Variants in TRRAP observed in about 807,000 individuals in gnomAD.
TRRAP encodes the protein transformation/transcription domain associated protein.
Under a neutral mutation model 438.8 loss-of-function variants are expected in TRRAP, and 41 were observed. The ratio of observed to expected loss-of-function variants is 0.09; its 90% confidence interval spans 0.07 to 0.12. The LOEUF (loss-of-function observed/expected upper bound fraction) is 0.12, where lower values mean the gene tolerates loss of function less well. TRRAP is among the 10% of genes least tolerant of loss of function. The probability of loss-of-function intolerance (pLI) is 1.00; values close to 1 mark genes in which losing one functional copy is unlikely to be tolerated. For synonymous variants in TRRAP, 1,994 were observed against 1,962.9 expected, an observed-to-expected ratio of 1.02 and a Z score of -0.42; for missense variants, 3,122 against 5,055.1, an observed-to-expected ratio of 0.62 and a Z score of 11.60.
chr7:98,970,340 CCA>C, intron 52 of TRRAP, 49 bp downstream of exon 52: 1 of 1,589,568 alleles, frequency 6.3e-7, no homozygotes, highest in Non-Finnish European at 8.5e-7. Flanking sequence ...AGGTGAGGCC[CCA>C]CACCCCACGG....
intron 67 of TRRAP, among the ~76,000 whole-genome samples, chr7:99,000,120 G>T (rs1244324765): frequency 6.6e-6 from 1 of 152,076 alleles, no homozygotes; most frequent in Admixed American, 6.5e-5. Flanking sequence ...TGATTCTCCC[G>T]CCTCAGCCTC....
At chr7:98,984,900 T>C (rs892865292) in intron 61 of TRRAP, 44 bp from the exon 62 acceptor site, 3 of 1,323,114 alleles carry the variant, frequency 2.3e-6, no homozygotes, top group Non-Finnish European at 1.1e-6. Flanking sequence ...TCATATTGTT[T>C]AGAAATTTCA....
intron 21 of TRRAP, among the ~76,000 whole-genome samples, chr7:98,923,506 C>T (rs1554410964): frequency 6.6e-6 from 1 of 152,244 alleles, no homozygotes; most frequent in Admixed American, 6.5e-5. Context: ...AACCATTCTG[C>T]TTTTGGCACA....
rs375963540 is a variant in TRRAP at position 99,008,415 on chromosome 7, G to A, written c.10792G>A (p.Val3598Met). 1.1e-5 allele frequency: 17 copies of A among 1,614,100 alleles called. No individual in the cohort carries two copies. Among genetic ancestry groups the A allele is most frequent in the East Asian group, 4.5e-5 (2 of 44,896 alleles). The change falls in exon 70 of 73, where the codon GTG becomes ATG. Residue 3598 changes from valine (V) to methionine (M), a missense_variant. Coordinates refer to ENST00000456197, the MANE Select transcript of TRRAP (RefSeq NM_001375524.1). ...VVAVSPQMRL[V>M]EDNPSSLSLV... ...GGCAGTTTCCCCACAGATGCGCCTC[G>A]TGGAGGACAACCCCTCTTCACTTTC...
intron 39 of TRRAP, among the ~76,000 whole-genome samples, chr7:98,951,265 A>G (rs181147958): frequency 9.8e-5 from 15 of 152,344 alleles, no homozygotes; most frequent in African/African-American, 3.4e-4. Flanking sequence ...CAGAAATGGA[A>G]TAGATCTCAA....
chr7:99,006,605 A>G (rs532984608), intron 69 of TRRAP, among the ~76,000 whole-genome samples: 14 of 152,330 alleles, frequency 9.2e-5, no homozygotes, highest in African/African-American at 3.1e-4. Context: ...GACATTAGAC[A>G]GAATCAGCCA....
chr7:98,938,914 G>A lies in TRRAP; in HGVS notation c.4404+1094G>A, dbSNP rs184828833. ...ATACACTCCTACAAAATAGATAAGTGTGCCTTCTTTCATACAGTCTTGGGT... is the reference window on the plus strand; with the variant it reads ...ATACACTCCTACAAAATAGATAAGTATGCCTTCTTTCATACAGTCTTGGGT... On this transcript the variant is annotated intron_variant, in intron 30 of 72. Coordinates refer to ENST00000456197, the MANE Select transcript of TRRAP (RefSeq NM_001375524.1). 2.3e-3 allele frequency among the ~76,000 whole-genome samples: 356 copies of A among 152,336 alleles called. 1 individual carries two copies. Among genetic ancestry groups the A allele is most frequent in the Middle Eastern group, 0.01 (3 of 294 alleles).
chr7:98,985,909 C>T (rs536827970), intron 62 of TRRAP, among the ~76,000 whole-genome samples: 14 of 152,282 alleles, frequency 9.2e-5, no homozygotes, highest in African/African-American at 3.1e-4. Context: ...TCCATCATCC[C>T]CCAAGTAAAC....
chr7:98,912,999 T>G (rs1789345454), intron 18 of TRRAP, among the ~76,000 whole-genome samples: 2 of 152,164 alleles, frequency 1.3e-5, no homozygotes, highest in African/African-American at 4.8e-5. Context: ...GAGGCAGTGC[T>G]GGGTCTTTTG....
At chr7:98,926,621 C>T (rs941939247) in intron 22 of TRRAP, among the ~76,000 whole-genome samples, 20 of 152,106 alleles carry the variant, frequency 1.3e-4, no homozygotes, top group Admixed American at 5.2e-4. Flanking sequence ...CAGAAAGTTC[C>T]TCCATGGAAG....
intron 66 of TRRAP, 136 bp downstream of exon 66, chr7:98,993,873 C>G: frequency 6.1e-6 from 5 of 815,278 alleles, no homozygotes; most frequent in Non-Finnish European, 7.8e-6. Flanking sequence ...AACCATGGAC[C>G]AGGCAAATAG....
chr7:98,992,122 C>G lies in TRRAP; in HGVS notation c.9757-15C>G. ...CAGAGAGCAGCACTGTTTATAACAT[C>G]TTGTCTCTGAGCAGGTTGGACGCGT... On this transcript the variant is annotated splice_polypyrimidine_tract_variant and intron_variant, in intron 64 of 72. Transcript: ENST00000456197. 1 of 1,613,716 alleles carries G rather than the reference C, an allele frequency of 6.2e-7. No homozygotes were observed. Among genetic ancestry groups the G allele is most frequent in the South Asian group, 1.1e-5 (1 of 91,074 alleles).
intron 67 of TRRAP, among the ~76,000 whole-genome samples, chr7:98,996,176 G>A (rs536317795): frequency 5.3e-5 from 8 of 151,388 alleles, no homozygotes; most frequent in Admixed American, 2.0e-4. Context: ...GTGTCCCCGC[G>A]TATGCACTGT....
intron 57 of TRRAP, 52 bp downstream of exon 57, chr7:98,978,375 G>A: frequency 6.7e-7 from 1 of 1,497,216 alleles, no homozygotes. Context: ...AGGGAACCAG[G>A]GAAAAATCTC....
chr7:98,896,523 C>G (rs1554405770), intron 7 of TRRAP, among the ~76,000 whole-genome samples: 1 of 152,042 alleles, frequency 6.6e-6, no homozygotes, highest in Admixed American at 6.6e-5. Context: ...AATTCTCCTG[C>G]CTCAGCCTCC....
At chr7:98,963,762 T>C (rs1792029524) in intron 47 of TRRAP, among the ~76,000 whole-genome samples, 1 of 152,154 alleles carries the variant, frequency 6.6e-6, no homozygotes. Context: ...CACTCTTTGG[T>C]TGATCCGTGA....
At chr7:98,932,240 A>G (rs1790355874) in intron 26 of TRRAP, among the ~76,000 whole-genome samples, 1 of 151,976 alleles carries the variant, frequency 6.6e-6, no homozygotes, top group African/African-American at 2.4e-5. Context: ...CAGCCTCCCA[A>G]GTAGCTGGGA....
Position 98,910,217 on chromosome 7 carries a change from T to TTC in TRRAP, c.1512_1513insTC (p.Ala505SerfsTer16). 4 of 1,045,580 alleles carry TTC rather than the reference T, an allele frequency of 3.8e-6. No homozygotes were observed. Among genetic ancestry groups the TTC allele is most frequent in the African/African-American group, 2.2e-5 (1 of 46,484 alleles). 64.8% of individuals were successfully genotyped at this position (1,045,580 alleles called of 1,614,324 possible). On this transcript the variant is annotated frameshift_variant, in exon 15 of 73. Coordinates refer to ENST00000456197, the MANE Select transcript of TRRAP (RefSeq NM_001375524.1). LOFTEE classifies it high-confidence loss of function. ...CTGCTCCCTCCCCAGCCCCTGTCCC[T>TTC]GCCCCACCTCCACCCCCGCCCCCAC...
chr7:98,925,489 T>C (rs1054312693), intron 22 of TRRAP, among the ~76,000 whole-genome samples: 37 of 152,200 alleles, frequency 2.4e-4, no homozygotes, highest in African/African-American at 8.4e-4. Flanking sequence ...CTTTATTGTG[T>C]CTTGTCACCT....
Sources: gnomAD v4.1 joint callset for allele counts (sites outside exome capture counted in the v4.1 genomes callset) on GRCh38, gnomAD v4.1.1 for gene constraint, MANE v1.5 for transcripts, NCBI Gene and HGNC (gene_info 2026-07-23, HGNC 2026-07-21) for gene names.